The following NPSR1 variants were observed in gnomAD, a reference collection of about 807,000 sequenced individuals.
The protein encoded by NPSR1 is neuropeptide S receptor 1.
In NPSR1, 48 loss-of-function variants were observed where a neutral mutation model predicts 46.9. The ratio of observed to expected loss-of-function variants is 1.02; its 90% CI spans 0.81 to 1.30. The LOEUF (loss-of-function observed/expected upper bound fraction) is 1.30, where lower values mean the gene tolerates loss of function less well. Among genes scored for constraint, NPSR1 ranks in the 50% most tolerant of loss-of-function variants. The probability of loss-of-function intolerance (pLI) is 0.00; values close to 1 mark genes in which losing one functional copy is unlikely to be tolerated. For synonymous variants in NPSR1, 176 were observed against 168.1 expected, an observed-to-expected ratio of 1.05 and a Z score of -0.36; for missense variants, 450 against 449.5, an observed-to-expected ratio of 1.00 and a Z score of -0.01.
At chr7:34,875,987 T>C in intron 8 of NPSR1, among the ~76,000 whole-genome samples, 1 of 152,124 alleles carries the variant, frequency 6.6e-6, no homozygotes, top group Non-Finnish European at 1.5e-5. Context: ...TTGGACACAC[T>C]GCAAGGCCTA....
chr7:34,689,419 T>C lies in NPSR1; in HGVS notation c.280+4735T>C, dbSNP rs1014214192. Among the ~76,000 whole-genome samples, 6 of 150,992 alleles carry C rather than the reference T, an allele frequency of 4.0e-5. No homozygotes were observed. The South Asian group carries it at 8.3e-4, about 21-fold the overall frequency. The stretch of plus-strand genomic sequence containing the variant: ...AGGAGATCGAGACCATCCTGGCTAA[T>C]ACGGTGATACCCGGTTTCTACTAAA... On this transcript the variant is annotated intron_variant, in intron 2 of 8. Transcript: ENST00000360581.
At chr7:34,687,656 G>A (rs1323951328) in intron 2 of NPSR1, among the ~76,000 whole-genome samples, 1 of 152,156 alleles carries the variant, frequency 6.6e-6, no homozygotes, top group Non-Finnish European at 1.5e-5. Flanking sequence ...CTTGACACAT[G>A]GGGGTTATTA....
At chr7:34,808,586 AGTT>A (rs1416452019) in intron 3 of NPSR1, among the ~76,000 whole-genome samples, 5 of 152,300 alleles carry the variant, frequency 3.3e-5, no homozygotes, top group South Asian at 4.1e-4. Context: ...TGCTTACCAT[AGTT>A]GTTATTATTC....
chr7:34,707,374 TTAA>T (rs921729514), intron 2 of NPSR1, among the ~76,000 whole-genome samples: 11 of 152,184 alleles, frequency 7.2e-5, no homozygotes, highest in African/African-American at 2.7e-4. Flanking sequence ...AGCTTGTCAC[TTAA>T]TAATAGAAAT....
intron 6 of NPSR1, among the ~76,000 whole-genome samples, chr7:34,841,878 G>A (rs551163295): frequency 6.6e-6 from 1 of 152,172 alleles, no homozygotes; most frequent in African/African-American, 2.4e-5. Flanking sequence ...ACAGCCAGTG[G>A]GGACACTTTG....
At chr7:34,761,785 A>G (rs1431310227) in intron 2 of NPSR1, among the ~76,000 whole-genome samples, 1 of 152,244 alleles carries the variant, frequency 6.6e-6, no homozygotes, top group Non-Finnish European at 1.5e-5. Context: ...TCTTATATTC[A>G]GAGTCAGTTT....
intron 4 of NPSR1, among the ~76,000 whole-genome samples, chr7:34,813,849 A>G (rs1304846225): frequency 6.6e-6 from 1 of 152,228 alleles, no homozygotes; most frequent in African/African-American, 2.4e-5. Flanking sequence ...AAATGAATTT[A>G]TTTTGATCAT....
intron 2 of NPSR1, among the ~76,000 whole-genome samples, chr7:34,740,628 C>A (rs1186078380): frequency 6.6e-6 from 1 of 152,156 alleles, no homozygotes; most frequent in Non-Finnish European, 1.5e-5. Context: ...ATTGACTTAG[C>A]TCCAGGTATG....
At chr7:34,808,839 A>G (rs1207418292) in intron 3 of NPSR1, among the ~76,000 whole-genome samples, 1 of 152,154 alleles carries the variant, frequency 6.6e-6, no homozygotes, top group Non-Finnish European at 1.5e-5. Flanking sequence ...AGGTATGATA[A>G]TTTAAGATGC....
At chr7:34,713,566 T>C (rs1468587535) in intron 2 of NPSR1, among the ~76,000 whole-genome samples, 2 of 152,140 alleles carry the variant, frequency 1.3e-5, no homozygotes, top group Non-Finnish European at 2.9e-5. Flanking sequence ...GCCAAATCTT[T>C]AGTGGGAAGG....
At chr7:34,776,854 C>T (rs1266232831) in intron 2 of NPSR1, among the ~76,000 whole-genome samples, 1 of 152,168 alleles carries the variant, frequency 6.6e-6, no homozygotes, top group Non-Finnish European at 1.5e-5. Flanking sequence ...TCTAGAAATG[C>T]CATCCAGGAG....
At position 34,827,622 on chromosome 7, in the gene NPSR1, G is replaced by A; in HGVS notation, c.680+20G>A. ...CATCAGGTAAGAAGCCGTCAGGACA[G>A]GACCACACGGGGGGGTGGGGCGGGG... On this transcript the variant is annotated intron_variant, in intron 5 of 8. Coordinates refer to ENST00000360581, the MANE Select transcript of NPSR1 (RefSeq NM_207172.2). 1.5e-6 allele frequency: 1 copy of A among 660,258 alleles called. No individual in the cohort carries two copies. The highest frequency in any genetic ancestry group is 2.5e-6 in the Non-Finnish European group (1 of 398,110). The allele number at this position is 660,258 out of a possible 1,614,324, so 40.9% of individuals were successfully genotyped here.
chr7:34,808,951 G>A (rs1305668023), intron 3 of NPSR1, among the ~76,000 whole-genome samples: 1 of 152,130 alleles, frequency 6.6e-6, no homozygotes, highest in East Asian at 1.9e-4. Flanking sequence ...CTCAAAGTCA[G>A]CATCTTTTTA....
At chr7:34,686,721 G>A (rs888978735) in intron 2 of NPSR1, among the ~76,000 whole-genome samples, 1 of 151,724 alleles carries the variant, frequency 6.6e-6, no homozygotes, top group East Asian at 1.9e-4. Flanking sequence ...CCCTAACGAG[G>A]CACTCAAAGC....
intron 3 of NPSR1, among the ~76,000 whole-genome samples, chr7:34,784,137 A>C (rs1342320152): frequency 1.3e-5 from 2 of 152,200 alleles, no homozygotes; most frequent in African/African-American, 2.4e-5. Context: ...AAACAGGGAC[A>C]ATTTGACTTC....
chr7:34,874,781 G>A (rs1308061468), intron 8 of NPSR1, among the ~76,000 whole-genome samples: 3 of 151,820 alleles, frequency 2.0e-5, no homozygotes, highest in African/African-American at 7.3e-5. Flanking sequence ...GGAAAACCCA[G>A]GTCCCATGTG....
At chr7:34,705,451 AAG>A (rs1333165173) in intron 2 of NPSR1, among the ~76,000 whole-genome samples, 2 of 146,134 alleles carry the variant, frequency 1.4e-5, no homozygotes, top group African/African-American at 5.0e-5. Context: ...AAAAAAAAAA[AAG>A]AGAGAAAAGA....
intron 3 of NPSR1, among the ~76,000 whole-genome samples, chr7:34,794,106 G>GAGT (rs1284854753): frequency 6.6e-6 from 1 of 152,058 alleles, no homozygotes; most frequent in Non-Finnish European, 1.5e-5. Context: ...ACTGGTCAAT[G>GAGT]AGTACAATGT....
intron 4 of NPSR1, among the ~76,000 whole-genome samples, chr7:34,813,764 G>A (rs1789107422): frequency 6.6e-6 from 1 of 152,230 alleles, no homozygotes; most frequent in Non-Finnish European, 1.5e-5. Flanking sequence ...GACCAGTGGT[G>A]TGACCACCAC....
Sources: gnomAD v4.1 joint callset for allele counts (sites outside exome capture counted in the v4.1 genomes callset) on GRCh38, gnomAD v4.1.1 for gene constraint, MANE v1.5 for transcripts, NCBI Gene and HGNC (gene_info 2026-07-23, HGNC 2026-07-21) for gene names.